Variants in CDYL observed in about 807,000 individuals in gnomAD.
CDYL encodes the protein chromodomain Y like, also known as chromodomain Y-like protein.
In CDYL, 8 loss-of-function variants were observed where a neutral mutation model predicts 47.3. The ratio of observed to expected loss-of-function variants is 0.17; its 90% CI spans 0.10 to 0.31. The LOEUF (loss-of-function observed/expected upper bound fraction) is 0.31, where lower values mean the gene tolerates loss of function less well. Ranked by LOEUF, CDYL falls within the 10% of genes least tolerant of loss-of-function variation. The pLI is 1.00. For synonymous variants in CDYL, 266 were observed against 265.0 expected (o/e 1.00, Z -0.04); for missense variants, 471 against 701.4 (o/e 0.67, Z 3.71).
chr6:4,897,783 G>GGTTTTT (rs1554105970), intron 2 of CDYL, among the ~76,000 whole-genome samples: 20 of 15,594 alleles, frequency 1.3e-3, no homozygotes, highest in African/African-American at 2.9e-3. Flanking sequence ...AGGTTTTGAA[G>GGTTTTT]GTTTTTGTTT....
intron 1 of CDYL, chr6:4,714,649 T>C (rs1757220341): frequency 6.6e-6 from 1 of 152,224 alleles, no homozygotes; most frequent in Non-Finnish European, 1.5e-5. Context: ...TGCCTTAAAG[T>C]CAGCTTCCAG....
chr6:4,890,945 C>T (rs550622951), intron 1 of CDYL, among the ~76,000 whole-genome samples: 9 of 152,292 alleles, frequency 5.9e-5, no homozygotes, highest in East Asian at 1.9e-4. Context: ...ATGTGAGTAG[C>T]GGAAGATCTC....
chr6:4,710,305 A>T (rs1284119516), intron 1 of CDYL, among the ~76,000 whole-genome samples: 1 of 150,128 alleles, frequency 6.7e-6, no homozygotes, highest in Non-Finnish European at 1.5e-5. Context: ...AAGAGGAAGG[A>T]TCGAAAGAAG....
At chr6:4,933,610 A>G (rs1388191022) in intron 2 of CDYL, among the ~76,000 whole-genome samples, 4 of 152,202 alleles carry the variant, frequency 2.6e-5, no homozygotes, top group Non-Finnish European at 4.4e-5. Context: ...GAGATTGTCA[A>G]ACGTTTTTAA....
At chr6:4,930,650 A>G (rs910134488) in intron 2 of CDYL, among the ~76,000 whole-genome samples, 5 of 152,212 alleles carry the variant, frequency 3.3e-5, no homozygotes, top group Non-Finnish European at 7.3e-5. Flanking sequence ...AGGTGGGAAG[A>G]GGGTGTCACA....
intron 1 of CDYL, 58 bp from the exon 2 acceptor site, chr6:4,891,655 G>T (rs914506216): frequency 9.3e-5 from 128 of 1,377,760 alleles, no homozygotes; most frequent in Non-Finnish European, 1.1e-4. Flanking sequence ...AATGAAACTT[G>T]CACTTTTCCC....
At chr6:4,901,340 A>G (rs773513845) in intron 2 of CDYL, among the ~76,000 whole-genome samples, 1 of 152,072 alleles carries the variant, frequency 6.6e-6, no homozygotes, top group African/African-American at 2.4e-5. Context: ...TGTCTCCTCT[A>G]TTCCCGTTAG....
rs1040221189 is a variant in CDYL, at chr6:4,945,720, C to T, written c.1332+1964C>T. Among the ~76,000 whole-genome samples the T allele has an allele frequency of 1.2e-4, 18 of 152,374 alleles. No individual in the cohort carries two copies. In the South Asian group the frequency reaches 1.4e-3, roughly 12 times the overall value. On this transcript the variant is annotated intron_variant, in intron 5 of 6. Coordinates refer to ENST00000397588, the MANE Select transcript of CDYL (RefSeq NM_004824.4). ...CTGCTGCCCACCATCATGGAGCCACCTCCAAACTGGCACCTCTCAGGCCGT... is the reference window on the plus strand; with the variant it reads ...CTGCTGCCCACCATCATGGAGCCACTTCCAAACTGGCACCTCTCAGGCCGT...
chr6:4,708,167 CACACACACACAT>C (rs34984340), intron 1 of CDYL, among the ~76,000 whole-genome samples: 12,385 of 127,906 alleles, frequency 0.097, 1,506 homozygotes, highest in African/African-American at 0.29. Flanking sequence ...CACACACACA[CACACACACACAT>C]ATATATATAT....
At chr6:4,889,538 G>T (rs1329706685) in intron 1 of CDYL, among the ~76,000 whole-genome samples, 1 of 152,020 alleles carries the variant, frequency 6.6e-6, no homozygotes, top group Non-Finnish European at 1.5e-5. Context: ...TTTTTTACTA[G>T]CTGGAAAAGA....
chr6:4,793,846 T>G (rs1045269897), intron 1 of CDYL, among the ~76,000 whole-genome samples: 2 of 152,134 alleles, frequency 1.3e-5, no homozygotes, highest in East Asian at 1.9e-4. Context: ...CTGGAGTTTT[T>G]GGGGTTGAGT....
chr6:4,758,221 C>T (rs978192231), intron 3 of CDYL, among the ~76,000 whole-genome samples: 2 of 151,210 alleles, frequency 1.3e-5, no homozygotes, highest in Admixed American at 1.3e-4. Flanking sequence ...TGCCTGTAGT[C>T]CCAGTTAATT....
intron 1 of CDYL, among the ~76,000 whole-genome samples, chr6:4,867,895 T>C (rs1761366167): frequency 6.6e-6 from 1 of 151,736 alleles, no homozygotes; most frequent in African/African-American, 2.4e-5. Flanking sequence ...TTTGTTGACA[T>C]AGAGTTATTC....
At chr6:4,923,228 C>T (rs916333683) in intron 2 of CDYL, among the ~76,000 whole-genome samples, 1 of 152,166 alleles carries the variant, frequency 6.6e-6, no homozygotes, top group African/African-American at 2.4e-5. Flanking sequence ...CTTCTCCCCC[C>T]ACCCACTACT....
intron 2 of CDYL, among the ~76,000 whole-genome samples, chr6:4,923,911 A>G (rs1757793197): frequency 6.6e-6 from 1 of 151,652 alleles, no homozygotes; most frequent in Admixed American, 6.6e-5. Context: ...AAAAAAAAAA[A>G]AAAAAATCAA....
At chr6:4,749,350 AGATAGATG>A (rs1210512919) in intron 3 of CDYL, among the ~76,000 whole-genome samples, 2 of 60,586 alleles carry the variant, frequency 3.3e-5, no homozygotes, top group Non-Finnish European at 1.4e-4. Flanking sequence ...GCTGGATATG[AGATAGATG>A]GATGGATGGA....
chr6:4,949,612 G>A (rs1758635573), intron 5 of CDYL, among the ~76,000 whole-genome samples: 2 of 152,324 alleles, frequency 1.3e-5, no homozygotes, highest in South Asian at 4.1e-4. Context: ...GAGTCCCTGT[G>A]CACTCAGCCA....
At chr6:4,773,106 C>T (rs562540704), upstream of CDYL, 3 of 457,186 alleles carry the variant, frequency 6.6e-6, no homozygotes, top group East Asian at 1.4e-4. The surrounding 1 kb of genome is among the most constrained non-coding windows in gnomAD (Gnocchi z 4.6). Flanking sequence ...AACTTGCCAT[C>T]GATGATCAAT....
intron 2 of CDYL, among the ~76,000 whole-genome samples, chr6:4,723,059 T>C (rs1050617985): frequency 1.3e-5 from 2 of 152,140 alleles, no homozygotes; most frequent in African/African-American, 2.4e-5. Context: ...CAGCCCTTCA[T>C]ACCCACAGGT....
Sources: gnomAD v4.1 joint callset for allele counts (sites outside exome capture counted in the v4.1 genomes callset) on GRCh38, gnomAD v4.1.1 for gene constraint, Gnocchi (gnomAD v3.1) non-coding constraint, MANE v1.5 for transcripts, NCBI Gene and HGNC (gene_info 2026-07-23, HGNC 2026-07-21) for gene names.